The following SYNE1 variants were observed in gnomAD, a reference collection of about 807,000 sequenced individuals.
The protein encoded by SYNE1 is nesprin-1.
SYNE1 carries 616 observed loss-of-function variants against 1,111.0 expected under a neutral mutation model. The ratio of observed to expected loss-of-function variants is 0.55; its 90% CI spans 0.52 to 0.59. The LOEUF (loss-of-function observed/expected upper bound fraction) is 0.59. Ranked by LOEUF, SYNE1 falls within the 20% of genes least tolerant of loss-of-function variation. The probability of loss-of-function intolerance (pLI) is 0.00; values close to 1 mark genes in which losing one functional copy is unlikely to be tolerated. For synonymous variants in SYNE1, 3,855 were observed against 3,825.8 expected, an observed-to-expected ratio of 1.01 and a Z score of -0.28; for missense variants, 10,006 against 10,417.0, an observed-to-expected ratio of 0.96 and a Z score of 1.72.
chr6:152,453,452 G>T (rs2098668073), intron 25 of SYNE1, 134 bp downstream of exon 25: 1 of 1,315,208 alleles, frequency 7.6e-7, no homozygotes, highest in Non-Finnish European at 1.1e-6. Flanking sequence ...CCAGTTTTTT[G>T]AGTTTTTAAA....
At chr6:152,362,968 C>T (rs2096959822) in intron 63 of SYNE1, among the ~76,000 whole-genome samples, 2 of 151,426 alleles carry the variant, frequency 1.3e-5, no homozygotes, top group South Asian at 4.2e-4. Flanking sequence ...GCAAGCTCTG[C>T]CTCCCGGGTT....
rs1265738420 is a variant in SYNE1 at position 152,206,487 on chromosome 6, T to G, written c.22825-125A>C. 8.1e-6 allele frequency: 8 copies of G among 987,014 alleles called. No individual in the cohort carries two copies. The African/African-American group carries it at 1.1e-4, about 14-fold the overall frequency. The allele number at this position is 987,014 out of a possible 1,614,324, so 61.1% of individuals were successfully genotyped here. On this transcript the variant is annotated intron_variant, in intron 125 of 145. Transcript: ENST00000367255. ...AGCAAGCATTTACCGTAGTGGTGCT[T>G]TGCACATGCATGCACCAGTGAATAA...
chr6:152,465,483 T>C, intron 17 of SYNE1, 23 bp from the exon 18 acceptor site: 1 of 1,602,548 alleles, frequency 6.2e-7, no homozygotes. Flanking sequence ...AAACCAATTA[T>C]AACCCTTATC....
rs551544724 is a variant in SYNE1, at chr6:152,329,809, A to C, written c.14876T>G (p.Ile4959Ser). The change falls in exon 78 of 146, where the codon ATT becomes AGT. Residue 4959 changes from isoleucine to serine, a missense_variant. Around this residue, in one of 7 missense-constraint regions of SYNE1, gnomAD observed 4,955 missense variants for 5,017.2 expected, o/e 0.99. Coordinates refer to ENST00000367255, the MANE Select transcript of SYNE1 (RefSeq NM_182961.4). ...GAGGCTGTGTTCTAAATCCGCAGAA[A>C]TCAGCTCCTTGGCCTTTGTGAACTT... The part of the protein sequence containing the change: ...KEKFTKAKEL[I>S]SADLEHSLAE... 6.2e-7 allele frequency: 1 copy of C among 1,614,172 alleles called. No homozygotes were observed. Among genetic ancestry groups the C allele is most frequent in the African/African-American group, 1.3e-5 (1 of 75,048 alleles).
At chr6:152,131,070 A>G (rs948991590) in intron 144 of SYNE1, among the ~76,000 whole-genome samples, 8 of 152,224 alleles carry the variant, frequency 5.3e-5, no homozygotes, top group African/African-American at 1.9e-4. Context: ...GTATATTTAC[A>G]TACAATAAAT....
intron 86 of SYNE1, among the ~76,000 whole-genome samples, chr6:152,317,206 T>C (rs2095748702): frequency 6.6e-6 from 1 of 151,668 alleles, no homozygotes; most frequent in East Asian, 1.9e-4. Context: ...ATTGAATTAT[T>C]CCTCTTTTTC....
chr6:152,253,285 A>G (rs2089841507), intron 104 of SYNE1, among the ~76,000 whole-genome samples: 1 of 152,188 alleles, frequency 6.6e-6, no homozygotes, highest in African/African-American at 2.4e-5. Context: ...ACACTGAAGT[A>G]ATTTAATCTT....
chr6:152,341,398 G>A (rs1368831329), intron 74 of SYNE1, among the ~76,000 whole-genome samples: 1 of 152,210 alleles, frequency 6.6e-6, no homozygotes, highest in Non-Finnish European at 1.5e-5. Flanking sequence ...TAGAGTGTTA[G>A]TGACCACACA....
At chr6:152,550,951 TAGAG>T (rs2099343906) in intron 3 of SYNE1, among the ~76,000 whole-genome samples, 1 of 152,034 alleles carries the variant, frequency 6.6e-6, no homozygotes, top group Non-Finnish European at 1.5e-5. Context: ...ATAATCACAA[TAGAG>T]AGCACAAAGC....
At chr6:152,498,305 G>A (rs1039218038) in intron 11 of SYNE1, among the ~76,000 whole-genome samples, 1 of 152,180 alleles carries the variant, frequency 6.6e-6, no homozygotes, top group African/African-American at 2.4e-5. Flanking sequence ...GAGCAGAAGA[G>A]AGTGAGGAAA....
rs769573029 is a variant in SYNE1 at position 152,352,227 on chromosome 6, T to C, written c.11380A>G (p.Met3794Val). ...CTGGTCAGTTCCTTCAACTGCTCCA[T>C]GTGATCATGAATCTCCTTTCTTAAC... is the stretch of plus-strand genomic sequence containing the variant. ...ERLRKEIHDH[M>V]EQLKELTSTV... Residue 3794 changes from methionine to valine, a missense_variant, in exon 70 of 146, where the codon ATG becomes GTG. By Grantham distance (21) the Met-to-Val change is conservative. Around this residue, in one of 7 missense-constraint regions of SYNE1, gnomAD observed 4,955 missense variants for 5,017.2 expected, o/e 0.99. Coordinates refer to ENST00000367255, the MANE Select transcript of SYNE1 (RefSeq NM_182961.4). 5.6e-6 allele frequency: 9 copies of C among 1,614,070 alleles called. No individual in the cohort carries two copies. In the Admixed American group the frequency reaches 1.2e-4, roughly 21 times the overall value.
intron 4 of SYNE1, among the ~76,000 whole-genome samples, chr6:152,527,968 C>A (rs1448944921): frequency 6.6e-6 from 1 of 152,174 alleles, no homozygotes; most frequent in Non-Finnish European, 1.5e-5. Flanking sequence ...CTCCACAAGG[C>A]TCCTGGAATT....
At chr6:152,455,810 A>C (rs776388567) in intron 23 of SYNE1, 76 bp downstream of exon 23, 15 of 1,604,772 alleles carry the variant, frequency 9.3e-6, no homozygotes, top group Non-Finnish European at 1.3e-5. Flanking sequence ...CAAGACCAAA[A>C]GCACGAGTGA....
intron 93 of SYNE1, among the ~76,000 whole-genome samples, chr6:152,294,731 A>T (rs2094784570): frequency 6.6e-6 from 1 of 152,202 alleles, no homozygotes; most frequent in Admixed American, 6.5e-5. Flanking sequence ...CACACAAAAA[A>T]AACAAAGTGA....
intron 11 of SYNE1, among the ~76,000 whole-genome samples, chr6:152,494,009 A>T (rs1224911354): frequency 1.3e-5 from 2 of 152,142 alleles, no homozygotes; most frequent in African/African-American, 4.8e-5. Context: ...CACGCAGCCA[A>T]AGTACAGGAC....
At chr6:152,236,373 C>T in intron 109 of SYNE1, 70 bp from the exon 110 acceptor site, 1 of 1,111,954 alleles carries the variant, frequency 9.0e-7, no homozygotes, top group East Asian at 2.5e-5. Flanking sequence ...TATAATTTCT[C>T]TGGTACCTAC....
chr6:152,458,418 A>G (rs771136557), intron 22 of SYNE1, among the ~76,000 whole-genome samples: 2 of 152,184 alleles, frequency 1.3e-5, no homozygotes, highest in Non-Finnish European at 2.9e-5. Context: ...CCAGATCACA[A>G]TGTTGCTCCA....
intron 126 of SYNE1, among the ~76,000 whole-genome samples, chr6:152,204,343 G>A (rs1383012682): frequency 6.7e-6 from 1 of 149,528 alleles, no homozygotes; most frequent in Admixed American, 6.7e-5. Flanking sequence ...TCCAGCCTGG[G>A]TGACACAGGG....
chr6:152,442,009 G>A, intron 31 of SYNE1, 66 bp downstream of exon 31: 1 of 1,590,554 alleles, frequency 6.3e-7, no homozygotes. Flanking sequence ...TTGGTGTTAT[G>A]AGGCACAACC....
Sources: gnomAD v4.1 joint callset for allele counts (sites outside exome capture counted in the v4.1 genomes callset) on GRCh38, gnomAD v4.1.1 for gene constraint, gnomAD v4.1.1 regional missense constraint, MANE v1.5 for transcripts, NCBI Gene and HGNC (gene_info 2026-07-23, HGNC 2026-07-21) for gene names.